TRDN: variants seen among roughly 807,000 people sequenced by gnomAD.
TRDN encodes the protein triadin in skeletal muscle.
Under a neutral mutation model 149.7 loss-of-function variants are expected in TRDN, and 161 were observed. That is an observed-to-expected ratio of 1.08 (90% CI 0.95 to 1.23). TRDN has a LOEUF of 1.23. TRDN is among the 50% of genes most tolerant of loss of function. The pLI, the probability that TRDN is intolerant of heterozygous loss-of-function variation, is 0.00. For missense variants in TRDN, 896 were observed against 823.5 expected (o/e 1.09, Z -1.08); for synonymous variants, 294 against 250.5 (o/e 1.17, Z -1.64).
At chr6:123,469,993 G>T (rs960040238) in intron 9 of TRDN, 1 of 152,086 alleles carries the variant, frequency 6.6e-6, no homozygotes, top group African/African-American at 2.4e-5. Flanking sequence ...AACGACAAAG[G>T]TTCATCTTTA....
chr6:123,266,419 TTATGATATGTATTATATATAATATATAG>T lies in TRDN; in HGVS notation c.1784-1109_1784-1082del, dbSNP rs1562237456. ...ATATGTATTATATATAATATATAGA[TTATGATATGTATTATATATAATATATAG>T]ATTATGATATGTATTATATATAATA... On this transcript the variant is annotated intron_variant, in intron 32 of 40. Coordinates refer to ENST00000334268, the MANE Select transcript of TRDN (RefSeq NM_006073.4). Among the ~76,000 whole-genome samples the T allele has an allele frequency of 1.7e-3, 172 of 100,906 alleles. 30 individuals are homozygous for T. The highest frequency in any genetic ancestry group is 5.0e-3 in the African/African-American group (117 of 23,284). 66.2% of individuals were successfully genotyped at this position (100,906 alleles called of 152,430 possible). A position where few individuals can be genotyped will look rare whatever the true frequency, so the allele number is the denominator to read the frequency against.
intron 1 of TRDN, among the ~76,000 whole-genome samples, chr6:123,631,699 C>G (rs1268208235): frequency 6.6e-6 from 1 of 151,910 alleles, no homozygotes; most frequent in East Asian, 1.9e-4. Flanking sequence ...CTAACAACAT[C>G]AACTCTGTTT....
chr6:123,523,964 T>C (rs1192061508), intron 5 of TRDN, among the ~76,000 whole-genome samples: 3 of 152,120 alleles, frequency 2.0e-5, no homozygotes, highest in Non-Finnish European at 4.4e-5. Context: ...CTCTAAGCCA[T>C]GAGTTCAACA....
At chr6:123,558,202 T>C (rs1781785206) in intron 2 of TRDN, among the ~76,000 whole-genome samples, 1 of 151,944 alleles carries the variant, frequency 6.6e-6, no homozygotes, top group Admixed American at 6.5e-5. Context: ...GCCTGTCCCC[T>C]CAGTCCCAAC....
At chr6:123,546,715 C>G (rs918542754) in intron 4 of TRDN, among the ~76,000 whole-genome samples, 1 of 152,012 alleles carries the variant, frequency 6.6e-6, no homozygotes, top group African/African-American at 2.4e-5. Context: ...CCTCCTTTGT[C>G]CTAGGTTTAT....
At chr6:123,367,534 T>C (rs1781153956) in intron 19 of TRDN, among the ~76,000 whole-genome samples, 1 of 152,196 alleles carries the variant, frequency 6.6e-6, no homozygotes, top group African/African-American at 2.4e-5. Context: ...AGTCACAATT[T>C]AAACCCAGGC....
At position 123,267,695 on chromosome 6, in the gene TRDN, A is replaced by G; in HGVS notation, c.1783+12T>C. ...ACATAAGACAGAATATAAACCAAAA[A>G]TGGTAAAATACCTGTTTTTATAGAT... On this transcript the variant is annotated intron_variant, in intron 32 of 40. Coordinates refer to ENST00000334268, the MANE Select transcript of TRDN (RefSeq NM_006073.4). The G allele has an allele frequency of 6.4e-7, 1 of 1,553,800 alleles. No individual in the cohort carries two copies. Among genetic ancestry groups the G allele is most frequent in the South Asian group, 1.2e-5 (1 of 82,004 alleles).
In TRDN at chr6:123,496,441, T is replaced by G. The variant is rs78550752; in HGVS notation, c.853+752A>C. On this transcript the variant is annotated intron_variant, in intron 9 of 40. Coordinates refer to ENST00000334268, the MANE Select transcript of TRDN (RefSeq NM_006073.4). ...CTGTCTTTAAGCAATTAGCTTCATT[T>G]ATTCTAATATAAATGAGCTCCTTCC... 3.4e-3 allele frequency among the ~76,000 whole-genome samples: 523 copies of G among 152,210 alleles called. 24 individuals are homozygous for G. In the East Asian group the frequency reaches 0.092, roughly 27 times the overall value.
chr6:123,465,166 G>C (rs1301486575), intron 9 of TRDN, among the ~76,000 whole-genome samples, 183 bp from the exon 10 acceptor site: 1 of 152,118 alleles, frequency 6.6e-6, no homozygotes, highest in East Asian at 1.9e-4. Flanking sequence ...CACCTTCGCG[G>C]ATTCAGTTAT....
At chr6:123,478,761 A>C (rs1029270883) in intron 9 of TRDN, among the ~76,000 whole-genome samples, 5 of 152,184 alleles carry the variant, frequency 3.3e-5, no homozygotes, top group African/African-American at 1.2e-4. Context: ...TTCAGTGATA[A>C]AACTGCCTAG....
chr6:123,346,692 G>C (rs1442401391), intron 21 of TRDN, among the ~76,000 whole-genome samples: 1 of 151,950 alleles, frequency 6.6e-6, no homozygotes, highest in Non-Finnish European at 1.5e-5. Context: ...ACACAAGTTT[G>C]TGTTTTAAAA....
intron 10 of TRDN, among the ~76,000 whole-genome samples, chr6:123,455,424 GTGTGTGTGTGTGTGTC>G (rs746314712): frequency 1.1e-4 from 16 of 149,386 alleles, no homozygotes; most frequent in South Asian, 2.2e-4. Context: ...GTGTGTGTGT[GTGTGTGTGTGTGTGTC>G]TGTGTGTGTT....
chr6:123,583,004 T>C (rs577163369), intron 1 of TRDN, among the ~76,000 whole-genome samples: 58 of 152,112 alleles, frequency 3.8e-4, no homozygotes, highest in Middle Eastern at 3.4e-3. Context: ...TTTGTATGAA[T>C]TGAAAAACTA....
intron 9 of TRDN, 143 bp from the exon 10 acceptor site, chr6:123,465,126 A>T: frequency 1.1e-6 from 1 of 932,616 alleles, no homozygotes; most frequent in Non-Finnish European, 1.5e-6. Flanking sequence ...CAAAAAAGAA[A>T]GCTATTATTA....
intron 9 of TRDN, among the ~76,000 whole-genome samples, chr6:123,495,690 TA>T (rs1778417536): frequency 6.6e-6 from 1 of 152,028 alleles, no homozygotes; most frequent in Non-Finnish European, 1.5e-5. Flanking sequence ...TTGATATATA[TA>T]GACTGAAACT....
At chr6:123,435,383 C>T (rs1230487122) in intron 12 of TRDN, among the ~76,000 whole-genome samples, 1 of 151,964 alleles carries the variant, frequency 6.6e-6, no homozygotes, top group East Asian at 1.9e-4. Flanking sequence ...TCATAATAAG[C>T]TTGAAACCTG....
In TRDN at chr6:123,272,973, C is replaced by T; in HGVS notation, c.1663G>A (p.Gly555Ser). 6.5e-7 allele frequency: 1 copy of T among 1,529,090 alleles called. No homozygotes were observed. Among genetic ancestry groups the T allele is most frequent in the Non-Finnish European group, 8.8e-7 (1 of 1,138,168 alleles). The allele number at this position is 1,529,090 out of a possible 1,614,324, so 94.7% of individuals were successfully genotyped here. ...ACCACCTGCAAAATACCTGGTTTACCATGAGAAACAGTCTTTTCTGGTTTC... is the reference window on the plus strand; with the variant it reads ...ACCACCTGCAAAATACCTGGTTTACTATGAGAAACAGTCTTTTCTGGTTTC... ...IVKPEKTVSH[G>S]KPEEKVLKQV... The change falls in exon 29 of 41, where the codon GGT becomes AGT. Residue 555 changes from glycine to serine, a missense_variant. Gly to Ser is a moderately conservative substitution (Grantham distance 56). Coordinates refer to ENST00000334268, the MANE Select transcript of TRDN (RefSeq NM_006073.4).
chr6:123,377,677 C>A, intron 18 of TRDN, 39 bp downstream of exon 18: 3 of 1,611,824 alleles, frequency 1.9e-6, no homozygotes, highest in South Asian at 2.2e-5. Flanking sequence ...AAACACTGGA[C>A]ATGAGTATTC....
chr6:123,510,642 C>CTTTTTT (rs145396385), intron 7 of TRDN, among the ~76,000 whole-genome samples: 2 of 138,482 alleles, frequency 1.4e-5, no homozygotes, highest in African/African-American at 2.7e-5. Context: ...TGCATGACCA[C>CTTTTTT]TTTTTTTTTT....
Sources: allele counts gnomAD v4.1 joint callset (sites outside exome capture counted in the v4.1 genomes callset), GRCh38; gene constraint gnomAD v4.1.1; transcripts MANE v1.5; gene names NCBI Gene and HGNC (gene_info 2026-07-23, HGNC 2026-07-21).